Variants in MEIS2 observed in about 807,000 individuals in gnomAD.
MEIS2 encodes the protein homeobox protein Meis2.
Under a neutral mutation model 58.6 loss-of-function variants are expected in MEIS2, and 9 were observed. The observed-to-expected ratio is 0.15, with a 90% CI of 0.09 to 0.27. The LOEUF is 0.27. MEIS2 is among the 10% of genes least tolerant of loss of function. The pLI is 1.00. For synonymous variants in MEIS2, 221 were observed against 228.4 expected (o/e 0.97, Z 0.29); for missense variants, 427 against 635.0 (o/e 0.67, Z 3.52).
chr15:36,947,506 G>A (rs1229812652), intron 9 of MEIS2, among the ~76,000 whole-genome samples: 1 of 151,904 alleles, frequency 6.6e-6, no homozygotes, highest in Non-Finnish European at 1.5e-5. Context: ...TTATTTCTCA[G>A]TGCTGCTTAA....
In MEIS2 at chr15:36,950,679, T is replaced by C. The variant is rs147517847; in HGVS notation, c.901-279A>G. Among the ~76,000 whole-genome samples, 140 of 152,224 alleles carry C rather than the reference T, an allele frequency of 9.2e-4. 2 individuals are homozygous for C. In the East Asian group the frequency reaches 0.02, roughly 22 times the overall value. The stretch of plus-strand genomic sequence containing the variant: ...AATCAGTCAGAATGCAAAGCACTTT[T>C]GTGATGGTGTCAGAATTTTGGTCAT... On this transcript the variant is annotated intron_variant, in intron 8 of 11. Transcript: ENST00000561208.
chr15:37,092,295 A>G (rs952853435), intron 6 of MEIS2, among the ~76,000 whole-genome samples: 3 of 152,206 alleles, frequency 2.0e-5, no homozygotes, highest in African/African-American at 2.4e-5. Flanking sequence ...ATGAAAATCT[A>G]TGACTGCATA....
chr15:37,037,016 G>C lies in MEIS2; in HGVS notation c.755-57C>G, dbSNP rs531266743. On this transcript the variant is annotated intron_variant, in intron 7 of 11. Coordinates refer to ENST00000561208, the MANE Select transcript of MEIS2 (RefSeq NM_170675.5). ...AAACATCGCAAGGTGCCAACAACAA[G>C]TGCAGCTAATGATGAGCTCAGCTAA... 9.0e-5 allele frequency: 137 copies of C among 1,523,760 alleles called. 1 individual carries two copies. Among genetic ancestry groups the C allele is most frequent in the Middle Eastern group, 5.3e-4 (3 of 5,658 alleles). The allele number at this position is 1,523,760 out of a possible 1,614,324, so 94.4% of individuals were successfully genotyped here. A position where few individuals can be genotyped will look rare whatever the true frequency, so the allele number is the denominator to read the frequency against.
chr15:36,973,656 C>A (rs1326370311), intron 8 of MEIS2, among the ~76,000 whole-genome samples: 1 of 152,080 alleles, frequency 6.6e-6, no homozygotes. Context: ...AGGTTTGGTG[C>A]TTTGCACATA....
intron 6 of MEIS2, among the ~76,000 whole-genome samples, chr15:37,085,478 AT>A (rs898309078): frequency 2.0e-5 from 3 of 152,140 alleles, no homozygotes; most frequent in African/African-American, 7.2e-5. Context: ...TACAAAACTT[AT>A]TTTTCCCCCT....
At chr15:37,045,478 TAAA>T (rs966943691) in intron 7 of MEIS2, among the ~76,000 whole-genome samples, 25 of 140,728 alleles carry the variant, frequency 1.8e-4, no homozygotes, top group Non-Finnish European at 3.3e-4. Flanking sequence ...CAAATGAGAT[TAAA>T]AAAAAGAAGA....
At chr15:36,946,147 T>G (rs1312504483) in intron 9 of MEIS2, among the ~76,000 whole-genome samples, 1 of 151,976 alleles carries the variant, frequency 6.6e-6, no homozygotes, top group Non-Finnish European at 1.5e-5. Flanking sequence ...TTAAAGGATT[T>G]TAATTGTCAA....
intron 8 of MEIS2, among the ~76,000 whole-genome samples, chr15:36,962,977 T>C (rs1307774981): frequency 2.0e-5 from 3 of 152,234 alleles, no homozygotes; most frequent in African/African-American, 7.2e-5. Context: ...TAAGAGAGGA[T>C]AGTTTTTAGC....
intron 8 of MEIS2, among the ~76,000 whole-genome samples, chr15:37,007,382 A>G (rs2060961007): frequency 6.6e-6 from 1 of 152,198 alleles, no homozygotes; most frequent in African/African-American, 2.4e-5. Context: ...ATAAATAAAT[A>G]AGAAAGAAAG....
At chr15:36,987,535 G>A (rs1595874843) in intron 8 of MEIS2, among the ~76,000 whole-genome samples, 1 of 152,128 alleles carries the variant, frequency 6.6e-6, no homozygotes. Flanking sequence ...AGGGAAGTCA[G>A]AATCAGGTTG....
chr15:36,937,202 T>C (rs1350687618), intron 9 of MEIS2, among the ~76,000 whole-genome samples: 1 of 152,164 alleles, frequency 6.6e-6, no homozygotes, highest in Non-Finnish European at 1.5e-5. Context: ...GATTCTCAAA[T>C]TTGTCCCTCC....
chr15:37,001,239 C>T (rs2060716954), intron 8 of MEIS2, among the ~76,000 whole-genome samples: 2 of 152,086 alleles, frequency 1.3e-5, no homozygotes, highest in African/African-American at 4.8e-5. Context: ...TAGCTGCTGC[C>T]ATTCCTAAGT....
intron 9 of MEIS2, chr15:36,898,727 G>A (rs979718415): frequency 1.3e-5 from 2 of 152,092 alleles, no homozygotes; most frequent in South Asian, 2.1e-4. Flanking sequence ...AAATACTTAC[G>A]GGGAAGGTTA....
At chr15:37,069,632 C>T (rs781395120) in intron 7 of MEIS2, among the ~76,000 whole-genome samples, 62 of 152,144 alleles carry the variant, frequency 4.1e-4, no homozygotes, top group Non-Finnish European at 7.9e-4. Flanking sequence ...AGAGTTTCAC[C>T]TCACTTGATA....
chr15:37,006,959 G>A (rs1441282299), intron 8 of MEIS2, among the ~76,000 whole-genome samples: 1 of 152,192 alleles, frequency 6.6e-6, no homozygotes, highest in African/African-American at 2.4e-5. Flanking sequence ...ACTGATAGCC[G>A]AGGTTGTAGG....
intron 7 of MEIS2, among the ~76,000 whole-genome samples, chr15:37,069,832 G>C (rs1890453615): frequency 6.6e-6 from 1 of 152,098 alleles, no homozygotes; most frequent in Admixed American, 6.6e-5. Context: ...ACAAGGTGGG[G>C]TTTTGCAGCT....
chr15:36,991,618 T>C (rs1333076103), intron 8 of MEIS2, among the ~76,000 whole-genome samples: 1 of 151,972 alleles, frequency 6.6e-6, no homozygotes, highest in Non-Finnish European at 1.5e-5. Context: ...AGTGTAAAAA[T>C]AGTTGGAAGT....
intron 9 of MEIS2, among the ~76,000 whole-genome samples, chr15:36,920,245 G>A (rs1287920720): frequency 1.3e-5 from 2 of 152,084 alleles, no homozygotes; most frequent in East Asian, 1.9e-4. Flanking sequence ...CACCTCCCGG[G>A]TTCAAGCGAT....
At position 37,083,812 on chromosome 15, in the gene MEIS2, C is replaced by G. The variant is rs773535694; in HGVS notation, c.713G>C (p.Gly238Ala). 6.2e-7 allele frequency: 1 copy of G among 1,614,006 alleles called. No homozygotes were observed. The highest frequency in any genetic ancestry group is 8.5e-7 in the Non-Finnish European group (1 of 1,179,956). ...GTCTCCGCTCTGGGAAGCATGGCCC[C>G]CACTGGAGGGCCCTGGGGTGCCTGC... ...HSAGTPGPSS[G>A]GHASQSGDNS... The change falls in exon 7 of 12, where the codon GGG becomes GCG. Residue 238 changes from glycine to alanine, a missense_variant. Gly to Ala is a moderately conservative substitution (Grantham distance 60). Transcript: ENST00000561208.
Sources: allele counts gnomAD v4.1 joint callset (sites outside exome capture counted in the v4.1 genomes callset), GRCh38; gene constraint gnomAD v4.1.1; transcripts MANE v1.5; gene names NCBI Gene and HGNC (gene_info 2026-07-23, HGNC 2026-07-21).